Variants in TCF3 observed in about 807,000 individuals in gnomAD.
TCF3 encodes transcription factor E2-alpha.
A neutral mutation model predicts 72.3 loss-of-function variants in TCF3; 54 were observed. The ratio of observed to expected loss-of-function variants is 0.75; its 90% confidence interval spans 0.60 to 0.94. The LOEUF (loss-of-function observed/expected upper bound fraction) is 0.94. TCF3 is among the 40% of genes least tolerant of loss of function. The pLI is 0.00. For synonymous variants in TCF3, 525 were observed against 412.6 expected, an observed-to-expected ratio of 1.27 and a Z score of -3.30; for missense variants, 1,078 against 934.4, an observed-to-expected ratio of 1.15 and a Z score of -2.00.
chr19:1,650,919 C>T (rs1251873785), intron 1 of TCF3: 2 of 230,832 alleles, frequency 8.7e-6, no homozygotes, highest in East Asian at 6.1e-5. Flanking sequence ...TTTCCTCCAC[C>T]CTCAATCTCC....
intron 3 of TCF3, 87 bp downstream of exon 3, chr19:1,646,268 G>T: frequency 7.2e-7 from 1 of 1,388,888 alleles, no homozygotes. Flanking sequence ...CTCCTTTGCT[G>T]CCCCAGCCTC....
intron 2 of TCF3, among the ~76,000 whole-genome samples, chr19:1,648,351 C>G (rs977508169): frequency 1.3e-5 from 2 of 152,160 alleles, no homozygotes; most frequent in Non-Finnish European, 2.9e-5. Context: ...GGGTAAAGCC[C>G]GAGGGGGGAC....
rs2061880898 is a variant in TCF3 at position 1,619,202 on chromosome 19, T to C, written c.1359A>G (p.Ala453=). 1.3e-6 allele frequency: 2 copies of C among 1,599,206 alleles called. No homozygotes were observed. The highest frequency in any genetic ancestry group is 1.3e-5 in the African/African-American group (1 of 75,016). Residue 453 remains alanine, a synonymous_variant, in exon 16 of 19, where the codon GCA becomes GCG. Coordinates refer to ENST00000262965, the MANE Select transcript of TCF3 (RefSeq NM_003200.5). The part of the protein sequence containing the change: ...VGGSHPEDGL[A]GSTSLMHNHA... Reference sequence around the variant, plus strand: ...GGTTGTGCATGAGGCTGGTGCTGCCTGCGAGGCCGTCCTCGGGGTGGCTGC... The same window carrying C: ...GGTTGTGCATGAGGCTGGTGCTGCCCGCGAGGCCGTCCTCGGGGTGGCTGC...
At chr19:1,630,725 T>G (rs2063601912) in intron 5 of TCF3, among the ~76,000 whole-genome samples, 1 of 151,752 alleles carries the variant, frequency 6.6e-6, no homozygotes, top group South Asian at 2.1e-4. Context: ...AACCACAAAT[T>G]CCACAGCTGA....
intron 3 of TCF3, among the ~76,000 whole-genome samples, chr19:1,633,492 G>A (rs1334343087): frequency 6.6e-6 from 1 of 151,182 alleles, no homozygotes; most frequent in Non-Finnish European, 1.5e-5. Context: ...ATCCACACCA[G>A]AAACTTCTTT....
At position 1,622,419 on chromosome 19, in the gene TCF3, C is replaced by T. The variant is rs761846465; in HGVS notation, c.550-4G>A. 5.7e-5 allele frequency: 26 copies of T among 459,778 alleles called. No individual in the cohort carries two copies. The highest frequency in any genetic ancestry group is 2.7e-4 in the African/African-American group (13 of 47,990). 28.5% of individuals were successfully genotyped at this position (459,778 alleles called of 1,614,324 possible). A position where few individuals can be genotyped will look rare whatever the true frequency, so the allele number is the denominator to read the frequency against. The stretch of plus-strand genomic sequence containing the variant: ...CACCTGAGCTGGGTGGGTACACCTG[C>T]GGGCGGGTGGGCGGTGGGGGGTGCA... On this transcript the variant is annotated splice_region_variant and splice_polypyrimidine_tract_variant and intron_variant, in intron 8 of 18. Coordinates refer to ENST00000262965, the MANE Select transcript of TCF3 (RefSeq NM_003200.5).
chr19:1,630,612 G>A (rs865793735), intron 5 of TCF3, among the ~76,000 whole-genome samples: 11 of 152,254 alleles, frequency 7.2e-5, no homozygotes, highest in African/African-American at 9.6e-5. Context: ...TCTAAGCAGC[G>A]CACACCCCCA....
chr19:1,638,296 C>T (rs2064744708), intron 3 of TCF3, among the ~76,000 whole-genome samples: 1 of 152,216 alleles, frequency 6.6e-6, no homozygotes, highest in African/African-American at 2.4e-5. Context: ...AGCAAAGTCA[C>T]TATTTAATGA....
chr19:1,621,346 C>G (rs1162246042), intron 11 of TCF3, 155 bp from the exon 12 acceptor site: 1 of 952,492 alleles, frequency 1.0e-6, no homozygotes, highest in Non-Finnish European at 1.5e-6. Context: ...CTGAAACCAG[C>G]CTCTGCAGGG....
rs967437266 is a variant in TCF3 at position 1,621,123 on chromosome 19, C to T, written c.1014+10G>A. On this transcript the variant is annotated intron_variant, in intron 12 of 18. Coordinates refer to ENST00000262965, the MANE Select transcript of TCF3 (RefSeq NM_003200.5). ...ACTTGCCTGGCCACCCCCCATGCCCCACGCCTCACCGAGGCCAGTGCTTTG... is the reference window on the plus strand; with the variant it reads ...ACTTGCCTGGCCACCCCCCATGCCCTACGCCTCACCGAGGCCAGTGCTTTG... 6.5e-7 allele frequency: 1 copy of T among 1,539,016 alleles called. No homozygotes were observed. The highest frequency in any genetic ancestry group is 1.4e-5 in the African/African-American group (1 of 73,100).
chr19:1,622,133 G>A lies in TCF3; in HGVS notation c.743C>T (p.Pro248Leu), dbSNP rs957359017. Reference protein sequence around the residue: ...PMLGGGSSPLPLPPGSGPVGS... With the variant: ...PMLGGGSSPLLLPPGSGPVGS... ...CACCGGGCCGCTACCGGGCGGGAGGGGCAGCGGGGATGAGCCCCCACCCAG... is the reference window on the plus strand; with the variant it reads ...CACCGGGCCGCTACCGGGCGGGAGGAGCAGCGGGGATGAGCCCCCACCCAG... Residue 248 changes from proline (P) to leucine (L), a missense_variant, in exon 10 of 19, where the codon CCC becomes CTC. By Grantham distance (98) the Pro-to-Leu change is moderately conservative. Coordinates refer to ENST00000262965, the MANE Select transcript of TCF3 (RefSeq NM_003200.5). The A allele has an allele frequency of 6.3e-6, 10 of 1,592,572 alleles. No individual in the cohort carries two copies. Among genetic ancestry groups the A allele is most frequent in the African/African-American group, 5.4e-5 (4 of 74,580 alleles).
chr19:1,621,844 G>A lies in TCF3; in HGVS notation c.949C>T (p.Leu317Phe), dbSNP rs576620445. ...HTPPVSGADS[L>F]LGSRGTTAGS... is the part of the protein sequence containing the mutation. ...TCCCAGGGAGGGGCCATACCCAGGAGGCTGTCGGCCCCGCTGACAGGCGGC... is the reference window on the plus strand; with the variant it reads ...TCCCAGGGAGGGGCCATACCCAGGAAGCTGTCGGCCCCGCTGACAGGCGGC... The change falls in exon 11 of 19, where the codon CTC becomes TTC. Residue 317 changes from leucine (L) to phenylalanine (F), a missense_variant. By Grantham distance (22) the Leu-to-Phe change is conservative (BLOSUM62 0). Coordinates refer to ENST00000262965, the MANE Select transcript of TCF3 (RefSeq NM_003200.5). 19 of 1,589,086 alleles carry A rather than the reference G, an allele frequency of 1.2e-5. No individual in the cohort carries two copies. The highest frequency in any genetic ancestry group is 2.3e-5 in the East Asian group (1 of 44,034).
In TCF3 at chr19:1,627,382, C is replaced by T. The variant is rs113419714; in HGVS notation, c.343G>A (p.Ala115Thr). 5.5e-5 allele frequency: 89 copies of T among 1,611,446 alleles called. No individual in the cohort carries two copies. The African/African-American group carries it at 7.9e-4, about 14-fold the overall frequency. ...ACCTGAGTCAGGCCGCCCACGCCTG[C>T]GTCTCTCCCGAAGGAGGCATAGGCG... ...RGAYASFGRD[A>T]GVGGLTQAGF... Residue 115 changes from alanine to threonine, a missense_variant, in exon 6 of 19, where the codon GCA (alanine) becomes ACA (threonine). Transcript: ENST00000262965.
Position 1,621,059 on chromosome 19 carries a change from C to A in TCF3, c.1015-13G>T, listed in dbSNP as rs2146083884. 1 of 1,528,434 alleles carries A rather than the reference C, an allele frequency of 6.5e-7. No homozygotes were observed. The highest frequency in any genetic ancestry group is 1.2e-5 in the South Asian group (1 of 81,882). 94.7% of individuals were successfully genotyped at this position (1,528,434 alleles called of 1,614,324 possible). A position where few individuals can be genotyped will look rare whatever the true frequency, so the allele number is the denominator to read the frequency against. On this transcript the variant is annotated splice_polypyrimidine_tract_variant and intron_variant, in intron 12 of 18. Transcript: ENST00000262965. Reference sequence around the variant, plus strand: ...CCGGGGAGTAGATCTGCGAGGAGGACCAGGAGAGATGGGCGGTCAGGGGCC... The same window carrying A: ...CCGGGGAGTAGATCTGCGAGGAGGAACAGGAGAGATGGGCGGTCAGGGGCC...
chr19:1,643,149 C>T (rs188514619), intron 3 of TCF3, among the ~76,000 whole-genome samples: 39 of 152,270 alleles, frequency 2.6e-4, no homozygotes, highest in Admixed American at 1.2e-3. Flanking sequence ...AAATTATTCC[C>T]GTTTTAAATG....
Position 1,615,243 on chromosome 19 carries a change from G to A in TCF3, c.1822+42C>T. The A allele has an allele frequency of 6.5e-7, 1 of 1,536,110 alleles. No homozygotes were observed. Among genetic ancestry groups the A allele is most frequent in the African/African-American group, 1.4e-5 (1 of 72,890 alleles). On this transcript the variant is annotated intron_variant, in intron 18 of 18. Coordinates refer to ENST00000262965, the MANE Select transcript of TCF3 (RefSeq NM_003200.5). This position sits in a 1 kb window ranked among gnomAD's most constrained non-coding sequence, Gnocchi z 7.3. Reference sequence around the variant, plus strand: ...GAACGAGGGCAGGAACACGAGGGAGGGTGGCGCTGCAGGGACGCTGGTGGC... The same window carrying A: ...GAACGAGGGCAGGAACACGAGGGAGAGTGGCGCTGCAGGGACGCTGGTGGC...
intron 3 of TCF3, among the ~76,000 whole-genome samples, chr19:1,636,950 T>G (rs2064500791): frequency 6.6e-6 from 1 of 152,134 alleles, no homozygotes; most frequent in Non-Finnish European, 1.5e-5. Flanking sequence ...CACACCACCC[T>G]AAGAGTGGGG....
At chr19:1,635,192 C>T (rs1159381144) in intron 3 of TCF3, among the ~76,000 whole-genome samples, 1 of 152,228 alleles carries the variant, frequency 6.6e-6, no homozygotes, top group African/African-American at 2.4e-5. Context: ...CCTATAGCCC[C>T]AGCTCTGCAA....
intron 2 of TCF3, among the ~76,000 whole-genome samples, chr19:1,646,669 T>C (rs1396541827): frequency 6.6e-6 from 1 of 152,146 alleles, no homozygotes; most frequent in East Asian, 1.9e-4. Flanking sequence ...CTCCAGACGA[T>C]GACCCCGCTG....
Sources: gnomAD v4.1 joint callset for allele counts (sites outside exome capture counted in the v4.1 genomes callset) on GRCh38, gnomAD v4.1.1 for gene constraint, Gnocchi (gnomAD v3.1) non-coding constraint, MANE v1.5 for transcripts, NCBI Gene and HGNC (gene_info 2026-07-23, HGNC 2026-07-21) for gene names.